PTPRT: variants seen among roughly 807,000 people sequenced by gnomAD.
PTPRT encodes protein tyrosine phosphatase receptor type T, also known as receptor-type tyrosine-protein phosphatase T.
A neutral mutation model predicts 176.8 loss-of-function variants in PTPRT; 56 were observed. The observed-to-expected ratio is 0.32, with a 90% CI of 0.26 to 0.40. The LOEUF is 0.40. Among genes scored for constraint, PTPRT ranks in the 10% least tolerant of loss-of-function variants. The pLI is 1.00. For synonymous variants in PTPRT, 783 were observed against 739.0 expected (o/e 1.06, Z -0.96); for missense variants, 1,540 against 1,908.2 (o/e 0.81, Z 3.60).
chr20:42,077,553 C>T lies in PTPRT; in HGVS notation c.*3326G>A, dbSNP rs543081755. On this transcript the variant is annotated 3_prime_UTR_variant, in exon 31 of 31. Coordinates refer to ENST00000373187, the MANE Select transcript of PTPRT (RefSeq NM_007050.6). ...CCCCTGGGGGTGGTGGTGTTGGCTC[C>T]GGAGATTTCCTGGGTAAAGGAAAAT... 1.0e-4 allele frequency: 22 copies of T among 218,016 alleles called. No individual in the cohort carries two copies. Among genetic ancestry groups the T allele is most frequent in the East Asian group, 2.0e-4 (3 of 14,920 alleles). The allele number at this position is 218,016 out of a possible 1,614,324, so 13.5% of individuals were successfully genotyped here.
chr20:42,827,440 C>T (rs185478035), intron 2 of PTPRT, among the ~76,000 whole-genome samples: 2 of 152,176 alleles, frequency 1.3e-5, no homozygotes, highest in East Asian at 3.9e-4. Context: ...AAACAATATG[C>T]CCCTGAATAA....
At chr20:42,436,645 A>G (rs956863640) in intron 9 of PTPRT, among the ~76,000 whole-genome samples, 1 of 152,208 alleles carries the variant, frequency 6.6e-6, no homozygotes, top group African/African-American at 2.4e-5. Flanking sequence ...AAAACTTAAC[A>G]TTCATTTACC....
At chr20:42,940,101 T>G (rs1355063291) in intron 1 of PTPRT, among the ~76,000 whole-genome samples, 2 of 152,184 alleles carry the variant, frequency 1.3e-5, no homozygotes, top group Non-Finnish European at 2.9e-5. Context: ...GAGATAGTCC[T>G]TATTACTTTA....
At chr20:43,090,406 T>C (rs1349190952) in intron 1 of PTPRT, among the ~76,000 whole-genome samples, 221 of 152,156 alleles carry the variant, frequency 1.5e-3, no homozygotes, top group Non-Finnish European at 2.2e-3. Context: ...TAGTTGGGAC[T>C]ACAGGCGCCC....
intron 9 of PTPRT, among the ~76,000 whole-genome samples, chr20:42,398,934 A>G (rs67488810): frequency 0.1 from 15,353 of 152,248 alleles, 1,046 homozygotes; most frequent in East Asian, 0.22. Flanking sequence ...CACTCATACA[A>G]CTGGCAGTTG....
intron 7 of PTPRT, among the ~76,000 whole-genome samples, chr20:42,520,878 T>C (rs1419114505): frequency 1.3e-5 from 2 of 150,204 alleles, no homozygotes; most frequent in Non-Finnish European, 3.0e-5. Flanking sequence ...GATAGATAGA[T>C]AGATAGATAG....
chr20:43,111,085 G>A (rs77563706), intron 1 of PTPRT, among the ~76,000 whole-genome samples: 1,850 of 152,240 alleles, frequency 0.012, 19 homozygotes, highest in East Asian at 0.049. Flanking sequence ...ATGAGTTATC[G>A]TGTGGATAGG....
intron 24 of PTPRT, among the ~76,000 whole-genome samples, chr20:42,106,160 AGAAACAATACCGT>A (rs1166513082): frequency 1.4e-4 from 21 of 152,242 alleles, no homozygotes; most frequent in African/African-American, 5.1e-4. Flanking sequence ...TTGGAGGAGT[AGAAACAATACCGT>A]GACTAGAAAG....
chr20:42,829,779 C>T (rs1033509615), intron 2 of PTPRT, among the ~76,000 whole-genome samples: 2 of 152,098 alleles, frequency 1.3e-5, no homozygotes, highest in African/African-American at 2.4e-5. Flanking sequence ...ACCATTGACT[C>T]CACAGAAATA....
downstream of PTPRT, among the ~76,000 whole-genome samples, chr20:42,070,070 T>C (rs751881720): frequency 6.6e-6 from 1 of 152,184 alleles, no homozygotes; most frequent in South Asian, 2.1e-4. Flanking sequence ...TGAAATTAAC[T>C]AGAGTGGTTT....
chr20:42,033,156 A>C, the PTPRT span, among the ~76,000 whole-genome samples: 1 of 152,174 alleles, frequency 6.6e-6, no homozygotes, highest in Non-Finnish European at 1.5e-5. Flanking sequence ...AAGATTTTCC[A>C]TATGGAATCA....
Position 42,866,534 on chromosome 20 carries a change from G to A in PTPRT, c.214+19273C>T, listed in dbSNP as rs146993321. ...GTCCACTGCCTTCCTTCCCACCACA[G>A]GCTCCCTGCTGCTCCAAGTTGCCTT... On this transcript the variant is annotated intron_variant, in intron 2 of 30. Transcript: ENST00000373187. Among the ~76,000 whole-genome samples, 622 of 152,154 alleles carry A rather than the reference G, an allele frequency of 4.1e-3. 6 individuals are homozygous for A. The highest frequency in any genetic ancestry group is 0.014 in the African/African-American group (582 of 41,506).
chr20:42,837,061 A>G (rs1348891785), intron 2 of PTPRT, among the ~76,000 whole-genome samples: 1 of 152,198 alleles, frequency 6.6e-6, no homozygotes, highest in Non-Finnish European at 1.5e-5. Context: ...GAGGGTGGAC[A>G]GTAACCAGCC....
chr20:42,137,271 C>T (rs1244813837), intron 18 of PTPRT, among the ~76,000 whole-genome samples: 4 of 152,282 alleles, frequency 2.6e-5, no homozygotes, highest in African/African-American at 9.6e-5. Flanking sequence ...CCCACTCTGT[C>T]ACCCCCAGCT....
intron 7 of PTPRT, among the ~76,000 whole-genome samples, chr20:42,674,284 G>A (rs777722237): frequency 2.6e-5 from 4 of 152,026 alleles, no homozygotes; most frequent in South Asian, 2.1e-4. Flanking sequence ...AAACACCAAC[G>A]TTTTTTAAAA....
At chr20:42,868,950 G>C (rs927900945) in intron 2 of PTPRT, among the ~76,000 whole-genome samples, 1 of 152,180 alleles carries the variant, frequency 6.6e-6, no homozygotes, top group East Asian at 1.9e-4. Context: ...GTGAGCCCAA[G>C]TGTGGCTCAG....
chr20:42,409,184 T>C (rs1277928059), intron 9 of PTPRT, among the ~76,000 whole-genome samples: 1 of 152,062 alleles, frequency 6.6e-6, no homozygotes, highest in Non-Finnish European at 1.5e-5. Context: ...TAATGTCAAA[T>C]TGAAGGTATT....
intron 1 of PTPRT, among the ~76,000 whole-genome samples, chr20:42,906,628 A>G (rs1053084996): frequency 4.6e-5 from 7 of 152,122 alleles, no homozygotes; most frequent in Non-Finnish European, 8.8e-5. Flanking sequence ...TCATCCCTAG[A>G]TGCTGCTGTG....
chr20:43,132,225 A>G (rs1245526507), intron 1 of PTPRT, among the ~76,000 whole-genome samples: 3 of 152,216 alleles, frequency 2.0e-5, no homozygotes, highest in African/African-American at 7.2e-5. Flanking sequence ...CTATCTTTAC[A>G]TGTAGATCCT....
Sources: gnomAD v4.1 joint callset for allele counts (sites outside exome capture counted in the v4.1 genomes callset) on GRCh38, gnomAD v4.1.1 for gene constraint, MANE v1.5 for transcripts, NCBI Gene and HGNC (gene_info 2026-07-23, HGNC 2026-07-21) for gene names.